The following CDH3 variants were observed in gnomAD, a reference collection of about 807,000 sequenced individuals.
CDH3 encodes the protein cadherin-3.
A neutral mutation model predicts 82.0 loss-of-function variants in CDH3; 54 were observed. The observed-to-expected ratio is 0.66, with a 90% CI of 0.53 to 0.83. CDH3 has a LOEUF of 0.83. CDH3 is among the 40% of genes least tolerant of loss of function. The probability of loss-of-function intolerance (pLI) is 0.00; values close to 1 mark genes in which losing one functional copy is unlikely to be tolerated. For synonymous variants in CDH3, 446 were observed against 437.9 expected (o/e 1.02, Z -0.23); for missense variants, 1,054 against 1,084.6 (o/e 0.97, Z 0.40).
Position 68,662,861 on chromosome 16 carries a change from A to G in CDH3, c.161-13524A>G, listed in dbSNP as rs1351099510. Among the ~76,000 whole-genome samples the G allele has an allele frequency of 6.4e-5, 7 of 109,616 alleles. No individual in the cohort carries two copies. In the Admixed American group the frequency reaches 7.7e-4, roughly 12 times the overall value. The allele number at this position is 109,616 out of a possible 152,430, so 71.9% of individuals were successfully genotyped here. A position where few individuals can be genotyped will look rare whatever the true frequency, so the allele number is the denominator to read the frequency against. ...GTTCCCGGAGGCTGGTGGATTTTTT[A>G]AAGTTTTTTTTTTTTTTTTTTTTTT... On this transcript the variant is annotated intron_variant, in intron 2 of 15. Transcript: ENST00000264012.
At chr16:68,727,107 G>T (rs981074526) in intron 2 of CDH3, among the ~76,000 whole-genome samples, 36 of 152,208 alleles carry the variant, frequency 2.4e-4, no homozygotes, top group African/African-American at 8.7e-4. Flanking sequence ...AAAAAGGCAG[G>T]CAGGAAAGGT....
At chr16:68,693,312 C>A (rs1961625034) in intron 13 of CDH3, among the ~76,000 whole-genome samples, 1 of 151,846 alleles carries the variant, frequency 6.6e-6, no homozygotes. Context: ...AAGGTGGAGG[C>A]AGGGAGACCA....
At chr16:68,667,252 A>C (rs888138879) in intron 2 of CDH3, among the ~76,000 whole-genome samples, 7 of 152,192 alleles carry the variant, frequency 4.6e-5, no homozygotes, top group African/African-American at 1.4e-4. Context: ...AGGTAGTGAT[A>C]GCTATAAGGA....
chr16:68,653,175 T>G (rs541079582), intron 2 of CDH3, among the ~76,000 whole-genome samples: 1 of 152,278 alleles, frequency 6.6e-6, no homozygotes, highest in African/African-American at 2.4e-5. Flanking sequence ...GAGTCTTGAT[T>G]TTCATCTGGC....
chr16:68,679,848 C>T lies in CDH3; in HGVS notation c.741C>T (p.Tyr247=), dbSNP rs755287914. The change falls in exon 7 of 16, where the codon TAC becomes TAT. Residue 247 remains tyrosine (Y), a synonymous_variant. Transcript: ENST00000264012. Reference sequence around the variant, plus strand: ...CCACGGATGAGGATGATGCCATCTACACCTACAATGGGGTGGTTGCTTACT... The same window carrying T: ...CCACGGATGAGGATGATGCCATCTATACCTACAATGGGGTGGTTGCTTACT... ...VTATDEDDAI[Y]TYNGVVAYSI... 20 of 1,613,442 alleles carry T rather than the reference C, an allele frequency of 1.2e-5. No homozygotes were observed. The highest frequency in any genetic ancestry group is 4.5e-5 in the East Asian group (2 of 44,882).
chr16:68,688,607 T>C (rs1381399234), intron 12 of CDH3, among the ~76,000 whole-genome samples: 1 of 151,102 alleles, frequency 6.6e-6, no homozygotes, highest in Non-Finnish European at 1.5e-5. Flanking sequence ...AATTAAAATG[T>C]CACTAGGGTT....
intron 2 of CDH3, chr16:68,651,321 T>G (rs1040481792): frequency 9.1e-6 from 5 of 551,490 alleles, no homozygotes; most frequent in African/African-American, 3.8e-5. Flanking sequence ...CGCACTTGTT[T>G]GTACCCATCT....
At position 68,698,209 on chromosome 16, in the gene CDH3, A is replaced by G. The variant is rs1158489809; in HGVS notation, c.2299A>G (p.Thr767Ala). The change falls in exon 16 of 16, where the codon ACA becomes GCA. Residue 767 changes from threonine to alanine, a missense_variant. Coordinates refer to ENST00000264012, the MANE Select transcript of CDH3 (RefSeq NM_001793.6). Reference sequence around the variant, plus strand: ...GCCGCAGAACCTGAAGGCGGCTAACACAGACCCCACAGCCCCGCCCTACGA... The same window carrying G: ...GCCGCAGAACCTGAAGGCGGCTAACGCAGACCCCACAGCCCCGCCCTACGA... ...FIIENLKAAN[T>A]DPTAPPYDTL... 8.1e-6 allele frequency: 13 copies of G among 1,614,074 alleles called. No homozygotes were observed. The East Asian group carries it at 2.7e-4, about 33-fold the overall frequency.
At chr16:68,661,653 A>C (rs1315288395) in intron 2 of CDH3, among the ~76,000 whole-genome samples, 1 of 152,156 alleles carries the variant, frequency 6.6e-6, no homozygotes, top group Non-Finnish European at 1.5e-5. Context: ...AGCAAATTCT[A>C]GTGGGGGAGA....
downstream of CDH3, among the ~76,000 whole-genome samples, chr16:68,702,254 C>T (rs1961906510): frequency 6.6e-6 from 1 of 152,136 alleles, no homozygotes; most frequent in African/African-American, 2.4e-5. Context: ...GTCCCCAACA[C>T]ATCCAGTTTG....
At chr16:68,651,972 G>A (rs1960263730) in intron 2 of CDH3, 1 of 320,758 alleles carries the variant, frequency 3.1e-6, no homozygotes, top group Admixed American at 4.0e-5. Context: ...CAGGTGCGGT[G>A]GCAGGACAGG....
chr16:68,646,051 G>T (rs545813854), intron 2 of CDH3: 244 of 441,952 alleles, frequency 5.5e-4, no homozygotes, highest in African/African-American at 4.4e-3. Context: ...GTTCTCCCCC[G>T]CTGGCCCCAG....
In CDH3 at chr16:68,645,721, A is replaced by C. The variant is rs1233212722; in HGVS notation, c.131A>C (p.Glu44Ala). Residue 44 changes from glutamate (E) to alanine (A), a missense_variant, in exon 2 of 16, where the codon GAG becomes GCG. Glu to Ala is a moderately radical substitution (Grantham distance 107, BLOSUM62 -1). Transcript: ENST00000264012. ...AEVTLEAGGAEQEPGQALGKV... is the reference protein window; with the variant it reads ...AEVTLEAGGAAQEPGQALGKV... The stretch of plus-strand genomic sequence containing the variant: ...GTGACCTTGGAGGCGGGAGGCGCGG[A>C]GCAGGAGCCCGGCCAGGCGCTGGGG... 2 of 1,545,014 alleles carry C rather than the reference A, an allele frequency of 1.3e-6. No homozygotes were observed. Among genetic ancestry groups the C allele is most frequent in the Non-Finnish European group, 1.7e-6 (2 of 1,146,300 alleles).
intron 9 of CDH3, 118 bp from the exon 10 acceptor site, chr16:68,684,465 T>C (rs1961340763): frequency 8.6e-7 from 1 of 1,163,986 alleles, no homozygotes. Context: ...GCAGCACTGT[T>C]GCTAGTGAGG....
At chr16:68,651,225 G>A (rs564672295) in intron 2 of CDH3, 28 of 527,402 alleles carry the variant, frequency 5.3e-5, no homozygotes, top group African/African-American at 4.8e-4. Context: ...GCAGGGACAC[G>A]GAGGAGTTGT....
chr16:68,677,825 C>A (rs1254774382), intron 3 of CDH3, among the ~76,000 whole-genome samples: 4 of 152,180 alleles, frequency 2.6e-5, no homozygotes, highest in Non-Finnish European at 4.4e-5. Flanking sequence ...GCATAGTATT[C>A]CACTAGATGG....
rs574433647 is a variant in CDH3 at position 68,645,438 on chromosome 16, T to C, written c.45+14T>C. 3.1e-6 allele frequency: 5 copies of C among 1,612,544 alleles called. No homozygotes were observed. In the South Asian group the frequency reaches 5.5e-5, roughly 18 times the overall value. ...CTCCTTCTCCAGGTACTCCACAGCC[T>C]CGCCGTGGCCCCGACCGGGACCGCT... On this transcript the variant is annotated intron_variant, in intron 1 of 15. Coordinates refer to ENST00000264012, the MANE Select transcript of CDH3 (RefSeq NM_001793.6).
intron 2 of CDH3, among the ~76,000 whole-genome samples, chr16:68,726,869 G>A (rs1484489438): frequency 2.0e-5 from 3 of 152,206 alleles, no homozygotes; most frequent in Admixed American, 6.6e-5. Flanking sequence ...ATGAGCCACC[G>A]CGCCCGCCCC....
At chr16:68,729,781 G>A (rs554552836), downstream of CDH3, among the ~76,000 whole-genome samples, 27 of 152,044 alleles carry the variant, frequency 1.8e-4, no homozygotes, top group South Asian at 1.9e-3. Flanking sequence ...ACAGGTGTGC[G>A]CCACCACACC....
Sources: gnomAD v4.1 joint callset for allele counts (sites outside exome capture counted in the v4.1 genomes callset) on GRCh38, gnomAD v4.1.1 for gene constraint, MANE v1.5 for transcripts, NCBI Gene and HGNC (gene_info 2026-07-23, HGNC 2026-07-21) for gene names.